Variants in TMEM178B observed in about 807,000 individuals in gnomAD.
The protein encoded by TMEM178B is transmembrane protein 178B.
TMEM178B carries 5 observed loss-of-function variants against 31.0 expected under a neutral mutation model. The ratio of observed to expected loss-of-function variants is 0.16; its 90% confidence interval spans 0.08 to 0.34. The LOEUF (loss-of-function observed/expected upper bound fraction) is 0.34. Ranked by LOEUF, TMEM178B falls within the 10% of genes least tolerant of loss-of-function variation. The pLI, the probability that TMEM178B is intolerant of heterozygous loss-of-function variation, is 1.00. For missense variants in TMEM178B, 275 were observed against 400.3 expected, an observed-to-expected ratio of 0.69 and a Z score of 2.67; for synonymous variants, 164 against 164.0, an observed-to-expected ratio of 1.00 and a Z score of 0.00.
rs545737554 is a variant in TMEM178B, at chr7:141,317,512, C to T, written c.496+104808C>T. ...AACAACTTAAAACAGGTGGCACTAG[C>T]GCTAGACCTGGAGAAAAACTGCTGG... On this transcript the variant is annotated intron_variant, in intron 2 of 3. Transcript: ENST00000565468. Among the ~76,000 whole-genome samples the T allele has an allele frequency of 9.9e-5, 15 of 152,196 alleles. No individual in the cohort carries two copies. The South Asian group carries it at 2.7e-3, about 27-fold the overall frequency.
At chr7:141,258,034 A>T (rs1241320128) in intron 2 of TMEM178B, among the ~76,000 whole-genome samples, 1 of 151,682 alleles carries the variant, frequency 6.6e-6, no homozygotes, top group Non-Finnish European at 1.5e-5. Flanking sequence ...TTCTCTAGAG[A>T]GTACATTATG....
chr7:141,285,154 C>CTTTT (rs1030685003), intron 2 of TMEM178B, among the ~76,000 whole-genome samples: 126 of 52,846 alleles, frequency 2.4e-3, no homozygotes, highest in African/African-American at 2.8e-3. Context: ...ATTCTTGTTT[C>CTTTT]TTTTTTTTTT....
chr7:141,360,573 C>T (rs907234381), intron 2 of TMEM178B, among the ~76,000 whole-genome samples: 2 of 152,328 alleles, frequency 1.3e-5, no homozygotes, highest in South Asian at 2.1e-4. Context: ...ACAAGTATGA[C>T]GGAGTGGTCA....
intron 2 of TMEM178B, among the ~76,000 whole-genome samples, chr7:141,369,436 C>T: frequency 6.6e-6 from 1 of 151,900 alleles, no homozygotes; most frequent in South Asian, 2.1e-4. Context: ...ATCTCTTTGG[C>T]TCTGCCTTTC....
chr7:141,246,714 T>C (rs1797736243), intron 2 of TMEM178B, among the ~76,000 whole-genome samples: 1 of 151,964 alleles, frequency 6.6e-6, no homozygotes, highest in Admixed American at 6.6e-5. Context: ...AGACATGGTG[T>C]AGGTGAAGAA....
At chr7:141,289,996 G>A (rs551902898) in intron 2 of TMEM178B, among the ~76,000 whole-genome samples, 5 of 152,278 alleles carry the variant, frequency 3.3e-5, no homozygotes, top group South Asian at 4.2e-4. Context: ...AACAAAAAAA[G>A]AAGAAAGAAG....
chr7:141,470,565 T>C lies in TMEM178B; in HGVS notation c.664T>C (p.Cys222Arg). 1 of 1,530,528 alleles carries C rather than the reference T, an allele frequency of 6.5e-7. No individual in the cohort carries two copies. The highest frequency in any genetic ancestry group is 8.7e-7 in the Non-Finnish European group (1 of 1,144,452). The allele number at this position is 1,530,528 out of a possible 1,614,324, so 94.8% of individuals were successfully genotyped here. A position where few individuals can be genotyped will look rare whatever the true frequency, so the allele number is the denominator to read the frequency against. Reference sequence around the variant, plus strand: ...CTTCTGCATCATTTCACTGTGCACCTGTGTGGCCGGGATCAACTTTGAGCT... The same window carrying C: ...CTTCTGCATCATTTCACTGTGCACCCGTGTGGCCGGGATCAACTTTGAGCT... The part of the protein sequence containing the change: ...GTFCIISLCT[C>R]VAGINFELSR... The change falls in exon 4 of 4, where the codon TGT becomes CGT. Residue 222 changes from cysteine to arginine, a missense_variant. Cys to Arg is a radical substitution (Grantham distance 180). Transcript: ENST00000565468.
At chr7:141,462,421 G>A (rs904891571) in intron 3 of TMEM178B, among the ~76,000 whole-genome samples, 3 of 152,008 alleles carry the variant, frequency 2.0e-5, no homozygotes, top group Admixed American at 6.6e-5. Context: ...AACCAGTCGT[G>A]GGAGTTCAAG....
At chr7:141,141,909 C>T (rs533413400) in intron 1 of TMEM178B, among the ~76,000 whole-genome samples, 19 of 152,156 alleles carry the variant, frequency 1.2e-4, no homozygotes, top group East Asian at 3.9e-4. Context: ...TATTCTAATT[C>T]GCTAGGCAAC....
At chr7:141,488,519 A>T in the TMEM178B span, among the ~76,000 whole-genome samples, 2 of 151,758 alleles carry the variant, frequency 1.3e-5, no homozygotes, top group Non-Finnish European at 2.9e-5. Context: ...GGCTGACTGC[A>T]ACCTCTGCCT....
intron 2 of TMEM178B, among the ~76,000 whole-genome samples, chr7:141,281,547 C>T (rs755250392): frequency 3.3e-5 from 5 of 152,152 alleles, no homozygotes; most frequent in Admixed American, 2.0e-4. Flanking sequence ...CATTAAGACA[C>T]GGTCCCTGGA....
In TMEM178B at chr7:141,103,245, A is replaced by G. The variant is rs116151507; in HGVS notation, c.382+28553A>G. ...ACCAGTCTAGACCTGCTGAATCACAATTGTGGTTGTAGATCACCGGGGTAG... is the reference window on the plus strand; with the variant it reads ...ACCAGTCTAGACCTGCTGAATCACAGTTGTGGTTGTAGATCACCGGGGTAG... On this transcript the variant is annotated intron_variant, in intron 1 of 3. Coordinates refer to ENST00000565468, the MANE Select transcript of TMEM178B (RefSeq NM_001195278.2). Among the ~76,000 whole-genome samples the G allele has an allele frequency of 9.6e-3, 1,459 of 152,336 alleles. 26 individuals are homozygous for G. The highest frequency in any genetic ancestry group is 0.033 in the African/African-American group (1,369 of 41,568).
At position 141,216,448 on chromosome 7, in the gene TMEM178B, TGCGCGCGCGCGCGCGTGTGTGTGTGTGG is replaced by T. The variant is rs1389306333; in HGVS notation, c.496+3746_496+3773del. 1.2e-4 allele frequency among the ~76,000 whole-genome samples: 16 copies of T among 135,920 alleles called. 3 individuals carry two copies. The highest frequency in any genetic ancestry group is 5.1e-4 in the Admixed American group (7 of 13,804). 89.2% of individuals were successfully genotyped at this position (135,920 alleles called of 152,430 possible). Reference sequence around the variant, plus strand: ...CTGTGTGTGTGTGTGTGTGTGTGTGTGCGCGCGCGCGCGCGTGTGTGTGTGTGGGTGTGTGGTGGGGAAGAAGGGTGAT... The same window carrying T: ...CTGTGTGTGTGTGTGTGTGTGTGTGTGTGTGTGGTGGGGAAGAAGGGTGAT... On this transcript the variant is annotated intron_variant, in intron 2 of 3. Transcript: ENST00000565468.
chr7:141,375,265 G>A (rs1321590081), intron 2 of TMEM178B, among the ~76,000 whole-genome samples: 1 of 152,126 alleles, frequency 6.6e-6, no homozygotes, highest in Non-Finnish European at 1.5e-5. Flanking sequence ...CAATGGAAAG[G>A]TTTCAGTGTG....
intron 2 of TMEM178B, among the ~76,000 whole-genome samples, chr7:141,243,981 T>C (rs991455932): frequency 4.6e-5 from 7 of 152,152 alleles, no homozygotes; most frequent in African/African-American, 1.7e-4. Flanking sequence ...AGCCTTCCAC[T>C]AGAGCTGGTA....
chr7:141,291,624 C>T (rs1798547385), intron 2 of TMEM178B, among the ~76,000 whole-genome samples: 1 of 152,070 alleles, frequency 6.6e-6, no homozygotes, highest in Admixed American at 6.5e-5. Context: ...GGTGAGAACA[C>T]CTTACTCCTT....
Position 141,344,954 on chromosome 7 carries a change from A to T in TMEM178B, c.497-92654A>T, listed in dbSNP as rs1455064281. On this transcript the variant is annotated intron_variant, in intron 2 of 3. Transcript: ENST00000565468. The surrounding 1 kb of genome is among the most constrained non-coding windows in gnomAD (Gnocchi z 4.1). ...GATGCTACCCATTATTTAATTACTAAGCATGAGTTAATAGCTAACAAGATG... is the reference window on the plus strand; with the variant it reads ...GATGCTACCCATTATTTAATTACTATGCATGAGTTAATAGCTAACAAGATG... Among the ~76,000 whole-genome samples the T allele has an allele frequency of 2.6e-5, 4 of 152,208 alleles. No individual in the cohort carries two copies. Among genetic ancestry groups the T allele is most frequent in the Admixed American group, 6.5e-5 (1 of 15,278 alleles).
intron 2 of TMEM178B, among the ~76,000 whole-genome samples, chr7:141,376,069 G>A (rs1424930153): frequency 1.3e-5 from 2 of 152,182 alleles, no homozygotes; most frequent in Non-Finnish European, 2.9e-5. Context: ...AATGCCTTCA[G>A]CATTTGTCTC....
chr7:141,505,478 A>G, the TMEM178B span, among the ~76,000 whole-genome samples: 1 of 152,166 alleles, frequency 6.6e-6, no homozygotes, highest in Admixed American at 6.5e-5. Context: ...TGTCCCTTTC[A>G]ATCTGCTCTG....
Sources: gnomAD v4.1 joint callset for allele counts (sites outside exome capture counted in the v4.1 genomes callset) on GRCh38, gnomAD v4.1.1 for gene constraint, Gnocchi (gnomAD v3.1) non-coding constraint, MANE v1.5 for transcripts, NCBI Gene and HGNC (gene_info 2026-07-23, HGNC 2026-07-21) for gene names.